Variants in RABGEF1 observed in about 807,000 individuals in gnomAD.
RABGEF1 encodes RAB guanine nucleotide exchange factor 1, also known as rab5 GDP/GTP exchange factor.
Under a neutral mutation model 57.3 loss-of-function variants are expected in RABGEF1, and 26 were observed. The observed-to-expected ratio is 0.45, with a 90% CI of 0.33 to 0.63. The LOEUF (loss-of-function observed/expected upper bound fraction) is 0.63. Among genes scored for constraint, RABGEF1 ranks in the 20% least tolerant of loss-of-function variants. The pLI is 0.02. For missense variants in RABGEF1, 464 were observed against 607.6 expected (o/e 0.76, Z 2.48); for synonymous variants, 185 against 210.7 (o/e 0.88, Z 1.06).
intron 1 of RABGEF1, among the ~76,000 whole-genome samples, chr7:66,769,300 C>G (rs983225533): frequency 6.6e-6 from 1 of 152,190 alleles, no homozygotes; most frequent in Non-Finnish European, 1.5e-5. Context: ...TGTGAGGCCT[C>G]TCTCCCCAGC....
intron 7 of RABGEF1, among the ~76,000 whole-genome samples, chr7:66,799,987 A>G (rs956771678): frequency 6.6e-6 from 1 of 152,204 alleles, no homozygotes; most frequent in African/African-American, 2.4e-5. Context: ...TTTCTCATTC[A>G]TGGGAATGAA....
intron 1 of RABGEF1, among the ~76,000 whole-genome samples, chr7:66,686,347 C>T (rs1212941546): frequency 6.6e-6 from 1 of 151,816 alleles, no homozygotes; most frequent in South Asian, 2.1e-4. Flanking sequence ...TGGCTTATGC[C>T]TATAATACCA....
intron 7 of RABGEF1, among the ~76,000 whole-genome samples, chr7:66,800,232 A>G (rs1245312130): frequency 6.6e-6 from 1 of 152,204 alleles, no homozygotes; most frequent in Non-Finnish European, 1.5e-5. Flanking sequence ...CACCCAAGCT[A>G]CAGAAGAAAT....
At chr7:66,732,911 G>A (rs1156259936) in intron 2 of RABGEF1, among the ~76,000 whole-genome samples, 2 of 152,152 alleles carry the variant, frequency 1.3e-5, no homozygotes, top group African/African-American at 2.4e-5. Context: ...CTGACCCCAG[G>A]CTCGCCCTGC....
intron 3 of RABGEF1, among the ~76,000 whole-genome samples, chr7:66,776,881 A>C (rs753289967): frequency 1.4e-4 from 21 of 152,220 alleles, no homozygotes; most frequent in Non-Finnish European, 4.4e-5. Context: ...CCAGGTAGTA[A>C]GGTGACTTTG....
At chr7:66,716,613 T>C (rs1795427631) in intron 2 of RABGEF1, among the ~76,000 whole-genome samples, 1 of 151,900 alleles carries the variant, frequency 6.6e-6, no homozygotes, top group South Asian at 2.1e-4. Context: ...AATAAATAAA[T>C]AAATAAATAA....
At chr7:66,790,239 C>T (rs1454941380) in intron 4 of RABGEF1, among the ~76,000 whole-genome samples, 1 of 152,204 alleles carries the variant, frequency 6.6e-6, no homozygotes, top group Non-Finnish European at 1.5e-5. Flanking sequence ...GTGAAACTCT[C>T]AACAATGAGT....
At chr7:66,783,587 T>G (rs1810467582) in intron 3 of RABGEF1, 88 bp from the exon 4 acceptor site, 5 of 1,151,044 alleles carry the variant, frequency 4.3e-6, no homozygotes, top group South Asian at 2.6e-5. Flanking sequence ...GAAACATAAT[T>G]TAAATAACCT....
chr7:66,805,370 G>C lies in RABGEF1; in HGVS notation c.1051G>C (p.Glu351Gln). Residue 351 changes from glutamate to glutamine, a missense_variant, in exon 8 of 9, where the codon GAG becomes CAG. Glu to Gln is a conservative substitution (Grantham distance 29). Around this residue, in one of 4 missense-constraint regions of RABGEF1, gnomAD observed 284 missense variants for 389.9 expected, o/e 0.73. Coordinates refer to ENST00000284957, the MANE Select transcript of RABGEF1 (RefSeq NM_014504.3). ...CAATCCAAGCCGACTGATGACTGGA[G>C]AGGATGGCTACTATTTCACCAATCT... ...FCNPSRLMTG[E>Q]DGYYFTNLCC... The C allele has an allele frequency of 6.2e-7, 1 of 1,614,226 alleles. No homozygotes were observed. Among genetic ancestry groups the C allele is most frequent in the Non-Finnish European group, 8.5e-7 (1 of 1,180,046 alleles).
At chr7:66,683,615 G>A (rs1454689897) in intron 1 of RABGEF1, among the ~76,000 whole-genome samples, 9 of 152,094 alleles carry the variant, frequency 5.9e-5, no homozygotes, top group African/African-American at 1.9e-4. Context: ...GGAAGGGATC[G>A]GGGAATACTT....
chr7:66,711,816 G>C (rs1794820902), intron 1 of RABGEF1, among the ~76,000 whole-genome samples: 1 of 152,178 alleles, frequency 6.6e-6, no homozygotes, highest in Non-Finnish European at 1.5e-5. Context: ...TTGATCTCCT[G>C]ACCTCATGAT....
Position 66,775,366 on chromosome 7 carries a change from G to A in RABGEF1, c.319G>A (p.Ala107Thr), listed in dbSNP as rs1467434199. ...TACCACAGTGAAGAAATTCTTCAGT[G>A]CATCTTCCAGGGTCGGATCAAAGAA... ...KVTTVKKFFS[A>T]SSRVGSKKEI... is the part of the protein sequence containing the mutation. The change falls in exon 3 of 9, where the codon GCA (alanine) becomes ACA (threonine). Residue 107 changes from alanine to threonine, a missense_variant. Ala to Thr is a moderately conservative substitution (Grantham distance 58). Coordinates refer to ENST00000284957, the MANE Select transcript of RABGEF1 (RefSeq NM_014504.3). 1.2e-6 allele frequency: 2 copies of A among 1,613,858 alleles called. No individual in the cohort carries two copies. The highest frequency in any genetic ancestry group is 1.3e-5 in the African/African-American group (1 of 75,026).
At chr7:66,737,199 G>C (rs1285919448), upstream of RABGEF1, among the ~76,000 whole-genome samples, 4 of 151,856 alleles carry the variant, frequency 2.6e-5, no homozygotes, top group African/African-American at 9.7e-5. Flanking sequence ...CAAAATGCTG[G>C]TATTACAGTA....
intron 2 of RABGEF1, among the ~76,000 whole-genome samples, chr7:66,735,163 C>T (rs1164371861): frequency 6.6e-6 from 1 of 152,018 alleles, no homozygotes; most frequent in Non-Finnish European, 1.5e-5. Flanking sequence ...AGCTAATTTC[C>T]TCCCCCCTCA....
At chr7:66,660,217 G>A in the RABGEF1 span, among the ~76,000 whole-genome samples, 4 of 151,998 alleles carry the variant, frequency 2.6e-5, no homozygotes, top group East Asian at 1.9e-4. Context: ...GTGTGGTGGC[G>A]GGCGCCTGTA....
the RABGEF1 span, among the ~76,000 whole-genome samples, chr7:66,656,820 C>CAAAAAAAAAAAAAAAAA: frequency 2.7e-5 from 2 of 73,860 alleles, no homozygotes; most frequent in African/African-American, 5.3e-5. Context: ...AACTGCATCT[C>CAAAAAAAAAAAAAAAAA]AAAAAAAAAA....
intron 4 of RABGEF1, among the ~76,000 whole-genome samples, chr7:66,794,750 A>G (rs1218513382): frequency 1.3e-5 from 2 of 152,190 alleles, no homozygotes; most frequent in Non-Finnish European, 2.9e-5. Context: ...GAGAACCGAA[A>G]AGAAGATAGT....
At chr7:66,687,771 G>T (rs1421607621) in intron 1 of RABGEF1, among the ~76,000 whole-genome samples, 3 of 152,108 alleles carry the variant, frequency 2.0e-5, no homozygotes, top group African/African-American at 7.2e-5. Context: ...AAAGAATGAA[G>T]AAATGAATTC....
intron 1 of RABGEF1, among the ~76,000 whole-genome samples, chr7:66,711,784 C>G (rs1794817627): frequency 6.6e-6 from 1 of 152,106 alleles, no homozygotes. Context: ...GACGGAGTTT[C>G]ACCATGTTAG....
Sources: gnomAD v4.1 joint callset for allele counts (sites outside exome capture counted in the v4.1 genomes callset) on GRCh38, gnomAD v4.1.1 for gene constraint, gnomAD v4.1.1 regional missense constraint, MANE v1.5 for transcripts, NCBI Gene and HGNC (gene_info 2026-07-23, HGNC 2026-07-21) for gene names.